The following PTPN9 variants were observed in gnomAD, a reference collection of about 807,000 sequenced individuals.
PTPN9 encodes the protein protein tyrosine phosphatase non-receptor type 9, also known as tyrosine-protein phosphatase non-receptor type 9.
Under a neutral mutation model 69.8 loss-of-function variants are expected in PTPN9, and 26 were observed. The observed-to-expected ratio is 0.37, with a 90% confidence interval of 0.27 to 0.52. The LOEUF is 0.52. PTPN9 is among the 20% of genes least tolerant of loss of function. PTPN9 has a pLI of 0.91. For missense variants in PTPN9, 549 were observed against 740.3 expected (o/e 0.74, Z 3.00); for synonymous variants, 274 against 272.5 (o/e 1.01, Z -0.05).
At chr15:75,530,643 T>A (rs1387335599) in intron 1 of PTPN9, among the ~76,000 whole-genome samples, 1 of 60,448 alleles carries the variant, frequency 1.7e-5, no homozygotes, top group East Asian at 5.9e-4. Flanking sequence ...TAATATACTA[T>A]AATATATATT....
At chr15:75,503,821 C>T (rs1268116870) in intron 7 of PTPN9, among the ~76,000 whole-genome samples, 2 of 120,102 alleles carry the variant, frequency 1.7e-5, no homozygotes, top group African/African-American at 3.2e-5. Flanking sequence ...GTCAGCCCCC[C>T]GCCCGGCCAG....
At chr15:75,516,583 A>T (rs1457847614) in intron 5 of PTPN9, among the ~76,000 whole-genome samples, 1 of 151,292 alleles carries the variant, frequency 6.6e-6, no homozygotes, top group Non-Finnish European at 1.5e-5. Flanking sequence ...AAGTGCTGAG[A>T]TTACTGGTGT....
chr15:75,486,789 T>G (rs914105842), intron 8 of PTPN9, among the ~76,000 whole-genome samples: 184 of 150,164 alleles, frequency 1.2e-3, no homozygotes, highest in African/African-American at 4.1e-3. Context: ...GTGTTTTTTT[T>G]TTTTTTTTTT....
At chr15:75,537,752 T>TGAAAAAAAA (rs2074990163) in intron 1 of PTPN9, among the ~76,000 whole-genome samples, 1 of 7,554 alleles carries the variant, frequency 1.3e-4, no homozygotes, top group Non-Finnish European at 2.1e-4. Flanking sequence ...AGACTCCATC[T>TGAAAAAAAA]CAAAAAAAAA....
At chr15:75,558,369 T>G (rs1470113185) in intron 1 of PTPN9, among the ~76,000 whole-genome samples, 1 of 150,636 alleles carries the variant, frequency 6.6e-6, no homozygotes, top group East Asian at 1.9e-4. Context: ...TAGCTGGGCG[T>G]GGTGGCACAC....
intron 1 of PTPN9, among the ~76,000 whole-genome samples, chr15:75,559,184 T>A (rs1282778793): frequency 6.7e-6 from 1 of 148,912 alleles, no homozygotes; most frequent in Non-Finnish European, 1.5e-5. Context: ...GGCCGCCCCG[T>A]CTAAGTGAGG....
At chr15:75,487,442 G>T (rs894342051) in intron 8 of PTPN9, 2 of 152,068 alleles carry the variant, frequency 1.3e-5, no homozygotes, top group Non-Finnish European at 2.9e-5. Context: ...CTACAAATCA[G>T]ACAATGATCT....
chr15:75,498,242 G>A (rs1181174581), intron 7 of PTPN9, among the ~76,000 whole-genome samples: 2 of 151,856 alleles, frequency 1.3e-5, no homozygotes, highest in African/African-American at 2.4e-5. Context: ...AATATGCCTA[G>A]TGAATAAAAC....
chr15:75,468,637 A>T lies in PTPN9; in HGVS notation c.*132T>A. 1 of 773,810 alleles carries T rather than the reference A, an allele frequency of 1.3e-6. No homozygotes were observed. Among genetic ancestry groups the T allele is most frequent in the Non-Finnish European group, 2.1e-6 (1 of 465,686 alleles). 47.9% of individuals were successfully genotyped at this position (773,810 alleles called of 1,614,324 possible). ...CAAAGGGAAAGGCTGCCTTGCGTGC[A>T]CACGTGTGCTGGGAGACACAAGAAA... On this transcript the variant is annotated 3_prime_UTR_variant, in exon 13 of 13. Coordinates refer to ENST00000618819, the MANE Select transcript of PTPN9 (RefSeq NM_002833.4).
chr15:75,553,254 A>G (rs2075063410), intron 1 of PTPN9, among the ~76,000 whole-genome samples: 1 of 152,188 alleles, frequency 6.6e-6, no homozygotes, highest in Non-Finnish European at 1.5e-5. Flanking sequence ...GGAGTACATA[A>G]GAAAAGAATT....
intron 1 of PTPN9, among the ~76,000 whole-genome samples, chr15:75,562,308 A>G (rs1474034110): frequency 6.6e-6 from 1 of 152,220 alleles, no homozygotes; most frequent in Non-Finnish European, 1.5e-5. Context: ...GGAACAATAA[A>G]TAACTGGGAA....
At chr15:75,513,076 C>T (rs1019250899) in intron 5 of PTPN9, 6 of 373,492 alleles carry the variant, frequency 1.6e-5, no homozygotes, top group East Asian at 1.4e-4. Context: ...GCAGGCTATT[C>T]GCTGCTGACC....
At chr15:75,528,695 A>ATTT (rs770826556) in intron 1 of PTPN9, among the ~76,000 whole-genome samples, 11 of 125,430 alleles carry the variant, frequency 8.8e-5, no homozygotes, top group Non-Finnish European at 1.2e-4. Flanking sequence ...CCCTCAGCAC[A>ATTT]TTTTTTTTTT....
At chr15:75,563,886 A>G (rs2075115248) in intron 1 of PTPN9, among the ~76,000 whole-genome samples, 1 of 152,160 alleles carries the variant, frequency 6.6e-6, no homozygotes, top group Non-Finnish European at 1.5e-5. Flanking sequence ...AGTTTGAATG[A>G]ACAAACTATA....
chr15:75,556,638 A>T (rs982998373), intron 1 of PTPN9, among the ~76,000 whole-genome samples: 5 of 152,176 alleles, frequency 3.3e-5, no homozygotes, highest in African/African-American at 1.2e-4. Context: ...TCAGTCTCCC[A>T]AAGTGCTGGG....
rs1349466466 is a variant in PTPN9, at chr15:75,472,198, G to A, written c.1209-1368C>T. On this transcript the variant is annotated intron_variant, in intron 10 of 12. Transcript: ENST00000618819. ...CTTCCGGCCAGGCGCGGTGGCTCAC[G>A]CCTGTAATCCCAGCACTTTGGGAGG... Among the ~76,000 whole-genome samples the A allele has an allele frequency of 4.6e-5, 7 of 152,012 alleles. No individual in the cohort carries two copies. The South Asian group carries it at 8.3e-4, about 18-fold the overall frequency.
chr15:75,527,995 A>C (rs921229148), intron 1 of PTPN9, among the ~76,000 whole-genome samples: 9 of 152,230 alleles, frequency 5.9e-5, no homozygotes, highest in Admixed American at 1.3e-4. Context: ...ACACAGCAAA[A>C]GAATCAGAAA....
chr15:75,515,384 G>A (rs2074864203), intron 5 of PTPN9, among the ~76,000 whole-genome samples: 2 of 137,850 alleles, frequency 1.5e-5, no homozygotes, highest in Admixed American at 7.9e-5. Context: ...CCGAGATCGT[G>A]CCACTGCACT....
At chr15:75,475,026 G>C (rs2074587935) in intron 9 of PTPN9, among the ~76,000 whole-genome samples, 2 of 152,138 alleles carry the variant, frequency 1.3e-5, no homozygotes, top group Admixed American at 1.3e-4. Flanking sequence ...CGCATTCCTT[G>C]TGAAGCTTCT....
Sources: allele counts gnomAD v4.1 joint callset (sites outside exome capture counted in the v4.1 genomes callset), GRCh38; gene constraint gnomAD v4.1.1; transcripts MANE v1.5; gene names NCBI Gene and HGNC (gene_info 2026-07-23, HGNC 2026-07-21).